The following FGF12 variants were observed in gnomAD, a reference collection of about 807,000 sequenced individuals.
The protein encoded by FGF12 is fibroblast growth factor 12, also known as fibroblast growth factor 12B.
Under a neutral mutation model 23.6 loss-of-function variants are expected in FGF12, and 14 were observed. The ratio of observed to expected loss-of-function variants is 0.59; its 90% confidence interval spans 0.39 to 0.93. The LOEUF is 0.93. Ranked by LOEUF, FGF12 falls within the 40% of genes least tolerant of loss-of-function variation. FGF12 has a pLI of 0.00. For missense variants in FGF12, 175 were observed against 217.8 expected (o/e 0.80, Z 1.24); for synonymous variants, 62 against 77.3 (o/e 0.80, Z 1.04).
intron 4 of FGF12, 114 bp downstream of exon 4, chr3:192,335,247 A>G (rs1717337218): frequency 1.4e-6 from 1 of 699,940 alleles, no homozygotes; most frequent in African/African-American, 1.8e-5. Flanking sequence ...ACAGGATCAC[A>G]AAATATAAAA....
rs142629824 is a variant in FGF12, at chr3:192,210,743, A to G, written c.229-40087T>C. ...GAGCTTATATTCTAACGAGAGTAGA[A>G]GAGAGAGACAGTCATGTAATAAATA... is the stretch of plus-strand genomic sequence containing the variant. On this transcript the variant is annotated intron_variant, in intron 4 of 5. Transcript: ENST00000445105. Among the ~76,000 whole-genome samples, 418 of 152,370 alleles carry G rather than the reference A, an allele frequency of 2.7e-3. 1 individual carries two copies. The highest frequency in any genetic ancestry group is 8.5e-3 in the South Asian group (41 of 4,832).
intron 2 of FGF12, among the ~76,000 whole-genome samples, chr3:192,652,061 A>T (rs2108676750): frequency 6.6e-6 from 1 of 152,342 alleles, no homozygotes; most frequent in East Asian, 1.9e-4. Flanking sequence ...ACACTCTGCT[A>T]GATGCCAGGG....
intron 4 of FGF12, among the ~76,000 whole-genome samples, chr3:192,218,601 C>A (rs967853295): frequency 6.6e-6 from 1 of 152,088 alleles, no homozygotes; most frequent in East Asian, 1.9e-4. Flanking sequence ...GAGGCCTCCC[C>A]AGAAGGAGAA....
chr3:192,214,470 G>C (rs900053622), intron 4 of FGF12, among the ~76,000 whole-genome samples: 3 of 152,220 alleles, frequency 2.0e-5, no homozygotes, highest in African/African-American at 7.2e-5. Flanking sequence ...GATGTGGAAT[G>C]AGAAGAGACA....
chr3:192,513,204 C>T (rs1577029236), intron 2 of FGF12, among the ~76,000 whole-genome samples: 1 of 152,028 alleles, frequency 6.6e-6, no homozygotes, highest in South Asian at 2.1e-4. Flanking sequence ...GAAATAATAA[C>T]ACATATCTCT....
At chr3:192,237,309 T>A (rs1719354058) in intron 4 of FGF12, among the ~76,000 whole-genome samples, 1 of 152,168 alleles carries the variant, frequency 6.6e-6, no homozygotes, top group South Asian at 2.1e-4. Flanking sequence ...TGACTACGTG[T>A]CTTGGGGATG....
chr3:192,214,886 T>C (rs532396710), intron 4 of FGF12, among the ~76,000 whole-genome samples: 1 of 152,392 alleles, frequency 6.6e-6, no homozygotes, highest in South Asian at 2.1e-4. Flanking sequence ...ACAATTGTTT[T>C]AGGTACTCTC....
chr3:192,634,457 T>C (rs1295904809), intron 2 of FGF12, among the ~76,000 whole-genome samples: 3 of 152,226 alleles, frequency 2.0e-5, no homozygotes, highest in African/African-American at 4.8e-5. Flanking sequence ...ATAGGTTATA[T>C]GCAAATACTA....
At chr3:192,317,061 G>A (rs531009974) in intron 4 of FGF12, among the ~76,000 whole-genome samples, 2 of 152,228 alleles carry the variant, frequency 1.3e-5, no homozygotes, top group South Asian at 2.1e-4. Context: ...TAACTAAAGA[G>A]CCCTTGGATT....
chr3:192,499,516 ATTTTTTTTTTTTTTTTTTTT>A (rs71177364), intron 2 of FGF12, among the ~76,000 whole-genome samples: 1 of 38,860 alleles, frequency 2.6e-5, no homozygotes. Context: ...ATATATATAT[ATTTTTTTTTTTTTTTTTTTT>A]TTTTTTTTTT....
chr3:192,505,030 A>G (rs1279215541), intron 2 of FGF12, among the ~76,000 whole-genome samples: 4 of 152,148 alleles, frequency 2.6e-5, no homozygotes, highest in African/African-American at 4.8e-5. Flanking sequence ...CACACACAAA[A>G]ATCTAAATAT....
chr3:192,220,261 A>C lies in FGF12; in HGVS notation c.229-49605T>G, dbSNP rs758934798. The stretch of plus-strand genomic sequence containing the variant: ...ATATATTCAGTCTACTCCACCTAGC[A>C]TCAAAGACCCTCCATGACCTGGCTC... On this transcript the variant is annotated intron_variant, in intron 4 of 5. Coordinates refer to ENST00000445105, the MANE Select transcript of FGF12 (RefSeq NM_004113.6). Among the ~76,000 whole-genome samples, 3 of 152,150 alleles carry C rather than the reference A, an allele frequency of 2.0e-5. No homozygotes were observed. In the East Asian group the frequency reaches 5.8e-4, roughly 29 times the overall value.
intron 3 of FGF12, among the ~76,000 whole-genome samples, chr3:192,352,561 C>T (rs528866102): frequency 1.3e-5 from 2 of 152,204 alleles, no homozygotes; most frequent in African/African-American, 2.4e-5. Flanking sequence ...ATAATAATAG[C>T]TGCCACTGCT....
intron 5 of FGF12, among the ~76,000 whole-genome samples, chr3:192,157,760 G>C (rs1714504699): frequency 6.6e-6 from 1 of 152,130 alleles, no homozygotes; most frequent in Admixed American, 6.6e-5. Context: ...TATTTATAAA[G>C]CACACAGCTA....
chr3:192,609,135 A>C (rs1239426688), intron 2 of FGF12, among the ~76,000 whole-genome samples: 4 of 152,108 alleles, frequency 2.6e-5, no homozygotes, highest in Non-Finnish European at 5.9e-5. Flanking sequence ...AAAATTCTGC[A>C]AACTCTCCAT....
chr3:192,168,804 T>A (rs1180529128), intron 5 of FGF12, among the ~76,000 whole-genome samples: 1 of 152,136 alleles, frequency 6.6e-6, no homozygotes, highest in Non-Finnish European at 1.5e-5. Context: ...GAGCTAACCA[T>A]GAATAAGAGG....
intron 2 of FGF12, among the ~76,000 whole-genome samples, chr3:192,438,750 G>A (rs967398129): frequency 7.2e-5 from 11 of 152,214 alleles, no homozygotes. Flanking sequence ...ACCAGTAGGA[G>A]TGGAGTCTTT....
intron 2 of FGF12, among the ~76,000 whole-genome samples, chr3:192,621,690 C>CAAAAAAAA (rs5855441): frequency 3.7e-3 from 346 of 93,716 alleles, no homozygotes; most frequent in Non-Finnish European, 5.1e-3. Context: ...GATACAAATA[C>CAAAAAAAA]AAAAAAAAAA....
intron 4 of FGF12, among the ~76,000 whole-genome samples, chr3:192,309,380 C>T (rs1485371591): frequency 1.3e-5 from 2 of 152,126 alleles, no homozygotes; most frequent in African/African-American, 4.8e-5. Flanking sequence ...ACTGTGGCAA[C>T]AAAAAACTCC....
Sources: allele counts gnomAD v4.1 joint callset (sites outside exome capture counted in the v4.1 genomes callset), GRCh38; gene constraint gnomAD v4.1.1; transcripts MANE v1.5; gene names NCBI Gene and HGNC (gene_info 2026-07-23, HGNC 2026-07-21).